Variants in CCSER1 observed in about 807,000 individuals in gnomAD.
CCSER1 encodes coiled-coil serine rich protein 1.
Under a neutral mutation model 82.0 loss-of-function variants are expected in CCSER1, and 41 were observed. The observed-to-expected ratio is 0.50, with a 90% CI of 0.39 to 0.65. The LOEUF (loss-of-function observed/expected upper bound fraction) is 0.65. Among genes scored for constraint, CCSER1 ranks in the 30% least tolerant of loss-of-function variants. CCSER1 has a pLI of 0.00. For missense variants in CCSER1, 1,119 were observed against 1,064.2 expected (o/e 1.05, Z -0.72); for synonymous variants, 414 against 383.9 (o/e 1.08, Z -0.92).
At chr4:90,448,320 G>A (rs1419417592) in intron 4 of CCSER1, among the ~76,000 whole-genome samples, 4 of 151,196 alleles carry the variant, frequency 2.6e-5, no homozygotes, top group Admixed American at 6.6e-5. Flanking sequence ...TTATTTATAT[G>A]TACTTGCTAT....
chr4:90,631,640 G>GT lies in CCSER1; in HGVS notation c.1932+3411dup, dbSNP rs1724459495. ...TGACTTTCCTAAAGTTTCTAGAACT[G>GT]TTTCAGGGTTGTGGAGTAATAAAAA... On this transcript the variant is annotated intron_variant, in intron 6 of 10. Transcript: ENST00000509176. Among the ~76,000 whole-genome samples, 3 of 152,252 alleles carry GT rather than the reference G, an allele frequency of 2.0e-5. No individual in the cohort carries two copies. In the South Asian group the frequency reaches 6.2e-4, roughly 32 times the overall value.
At chr4:90,542,799 C>G (rs1463032600) in intron 5 of CCSER1, among the ~76,000 whole-genome samples, 1 of 151,922 alleles carries the variant, frequency 6.6e-6, no homozygotes, top group African/African-American at 2.4e-5. Context: ...ACAAGTAAGC[C>G]TATGTTATAT....
intron 10 of CCSER1, among the ~76,000 whole-genome samples, chr4:91,530,837 G>A (rs1009315052): frequency 1.9e-4 from 29 of 151,854 alleles, no homozygotes; most frequent in East Asian, 5.8e-4. Flanking sequence ...ACAGGCATGC[G>A]CCACCACACC....
chr4:91,486,152 T>C (rs753839908), intron 10 of CCSER1, among the ~76,000 whole-genome samples: 3 of 151,784 alleles, frequency 2.0e-5, no homozygotes, highest in Non-Finnish European at 4.4e-5. Flanking sequence ...AAAGCATATT[T>C]ACTATTATGA....
intron 10 of CCSER1, among the ~76,000 whole-genome samples, chr4:91,468,860 A>T (rs918670728): frequency 6.6e-6 from 1 of 152,112 alleles, no homozygotes; most frequent in South Asian, 2.1e-4. Context: ...GATGTAAGCC[A>T]TTGACTCATG....
chr4:91,578,299 CT>C (rs1162892950), intron 10 of CCSER1, among the ~76,000 whole-genome samples: 1 of 151,890 alleles, frequency 6.6e-6, no homozygotes, highest in Non-Finnish European at 1.5e-5. Flanking sequence ...TATCTCAAAA[CT>C]GTCACAGTTT....
chr4:90,904,345 CTTT>C (rs1248631842), intron 8 of CCSER1, among the ~76,000 whole-genome samples: 1 of 152,082 alleles, frequency 6.6e-6, no homozygotes, highest in Non-Finnish European at 1.5e-5. Context: ...TGTTTTCTTT[CTTT>C]TTCTTTGTAG....
chr4:91,582,096 T>A (rs1034509209), intron 10 of CCSER1, among the ~76,000 whole-genome samples: 1 of 151,692 alleles, frequency 6.6e-6, no homozygotes, highest in African/African-American at 2.4e-5. Context: ...ATATTCAGGA[T>A]CTCTTTCTAC....
In CCSER1 at chr4:90,516,283, A is replaced by G. The variant is rs1560644480; in HGVS notation, c.1724+47929A>G. Among the ~76,000 whole-genome samples, 3 of 152,296 alleles carry G rather than the reference A, an allele frequency of 2.0e-5. No individual in the cohort carries two copies. The East Asian group carries it at 5.8e-4, about 29-fold the overall frequency. ...AAAGGGTGCCCTTATTTTGTCTTTCACTTGAATCCAAACAGGAAACAGATG... is the reference window on the plus strand; with the variant it reads ...AAAGGGTGCCCTTATTTTGTCTTTCGCTTGAATCCAAACAGGAAACAGATG... On this transcript the variant is annotated intron_variant, in intron 5 of 10. Transcript: ENST00000509176.
rs1764786691 is a variant in CCSER1, at chr4:91,600,697, C to CTTAGA, written c.*1643_*1647dup. On this transcript the variant is annotated 3_prime_UTR_variant, in exon 11 of 11. Transcript: ENST00000509176. ...TACTGAACTTTGATACATTTGCAAA[C>CTTAGA]TTAGATTGGAACTGATAAAGTAAGG... 1 of 152,172 alleles carries CTTAGA rather than the reference C, an allele frequency of 6.6e-6. No homozygotes were observed. Among genetic ancestry groups the CTTAGA allele is most frequent in the African/African-American group, 2.4e-5 (1 of 41,456 alleles). The allele number at this position is 152,172 out of a possible 1,614,324, so 9.4% of individuals were successfully genotyped here.
At chr4:91,185,832 G>A (rs549530160) in intron 10 of CCSER1, among the ~76,000 whole-genome samples, 42 of 152,264 alleles carry the variant, frequency 2.8e-4, no homozygotes, top group African/African-American at 1.0e-3. Flanking sequence ...TCCAGGAAAT[G>A]GAGTATTTCC....
At chr4:91,404,535 G>T (rs1457127710) in intron 10 of CCSER1, among the ~76,000 whole-genome samples, 1 of 152,132 alleles carries the variant, frequency 6.6e-6, no homozygotes, top group Non-Finnish European at 1.5e-5. Context: ...GGCATTAAGT[G>T]CTATAAATTT....
chr4:91,462,853 T>G (rs1756590300), intron 10 of CCSER1, among the ~76,000 whole-genome samples: 1 of 152,038 alleles, frequency 6.6e-6, no homozygotes, highest in Non-Finnish European at 1.5e-5. Context: ...GTAAACAAAG[T>G]GGCCAGGAAG....
At chr4:90,242,202 G>A (rs1746989990) in intron 1 of CCSER1, among the ~76,000 whole-genome samples, 2 of 152,224 alleles carry the variant, frequency 1.3e-5, no homozygotes, top group African/African-American at 4.8e-5. Context: ...AGTTACTTGG[G>A]AGGTTGAGGC....
intron 1 of CCSER1, among the ~76,000 whole-genome samples, chr4:90,128,409 C>A (rs1381677301): frequency 6.6e-6 from 1 of 152,190 alleles, no homozygotes; most frequent in Non-Finnish European, 1.5e-5. Context: ...GGAAGCAAGA[C>A]CCTGCCCAGA....
intron 10 of CCSER1, among the ~76,000 whole-genome samples, chr4:91,374,761 C>T (rs890098385): frequency 3.3e-5 from 5 of 152,130 alleles, no homozygotes; most frequent in Admixed American, 2.0e-4. Flanking sequence ...TTTGGGAGGC[C>T]GAGGTGGGTG....
intron 7 of CCSER1, among the ~76,000 whole-genome samples, chr4:90,772,439 G>C (rs376703255): frequency 9.2e-5 from 14 of 152,076 alleles, no homozygotes; most frequent in African/African-American, 2.9e-4. Context: ...TATTCTAACA[G>C]ATAAAATTTC....
intron 10 of CCSER1, among the ~76,000 whole-genome samples, chr4:91,559,811 G>A (rs1054046152): frequency 2.0e-5 from 3 of 151,034 alleles, no homozygotes; most frequent in Non-Finnish European, 4.4e-5. Flanking sequence ...ATTTTAAATA[G>A]TATCATATTG....
chr4:90,706,294 A>G (rs1429332911), intron 6 of CCSER1, among the ~76,000 whole-genome samples: 1 of 150,978 alleles, frequency 6.6e-6, no homozygotes, highest in Non-Finnish European at 1.5e-5. Context: ...AAAAACAAAC[A>G]AAGTGGCCTG....
Sources: gnomAD v4.1 joint callset for allele counts (sites outside exome capture counted in the v4.1 genomes callset) on GRCh38, gnomAD v4.1.1 for gene constraint, MANE v1.5 for transcripts, NCBI Gene and HGNC (gene_info 2026-07-23, HGNC 2026-07-21) for gene names.